Variants in KIAA1217 observed in about 807,000 individuals in gnomAD.
KIAA1217 encodes KIAA1217.
Under a neutral mutation model 163.9 loss-of-function variants are expected in KIAA1217, and 88 were observed. The ratio of observed to expected loss-of-function variants is 0.54; its 90% confidence interval spans 0.45 to 0.64. The LOEUF (loss-of-function observed/expected upper bound fraction) is 0.64, where lower values mean the gene tolerates loss of function less well. Among genes scored for constraint, KIAA1217 ranks in the 30% least tolerant of loss-of-function variants. KIAA1217 has a pLI of 0.00. For synonymous variants in KIAA1217, 903 were observed against 923.1 expected, an observed-to-expected ratio of 0.98 and a Z score of 0.39; for missense variants, 2,372 against 2,475.0, an observed-to-expected ratio of 0.96 and a Z score of 0.88.
At chr10:24,498,760 G>A (rs74854448) in intron 8 of KIAA1217, among the ~76,000 whole-genome samples, 9 of 152,218 alleles carry the variant, frequency 5.9e-5, no homozygotes, top group East Asian at 3.9e-4. Context: ...GTTGAGGCTC[G>A]GGGAATTGCA....
intron 3 of KIAA1217, among the ~76,000 whole-genome samples, chr10:24,426,971 T>C (rs1011069882): frequency 1.3e-5 from 2 of 152,148 alleles, no homozygotes; most frequent in Non-Finnish European, 2.9e-5. Flanking sequence ...CTGGAACTGA[T>C]TCTGAGACGC....
chr10:23,965,622 T>C (rs936428122), intron 1 of KIAA1217, among the ~76,000 whole-genome samples: 3 of 152,196 alleles, frequency 2.0e-5, no homozygotes, highest in Non-Finnish European at 4.4e-5. Context: ...CTCAAGGTGC[T>C]TATCTTGAGG....
Position 24,119,453 on chromosome 10 carries a change from T to TA in KIAA1217, c.-170-100165dup, listed in dbSNP as rs200182954. 7.0e-3 allele frequency among the ~76,000 whole-genome samples: 1,060 copies of TA among 151,378 alleles called. 5 individuals are homozygous for TA. Among genetic ancestry groups the TA allele is most frequent in the Non-Finnish European group, 0.01 (690 of 67,832 alleles). ...CATATTGCAAATGTGTAAAAATTTT[T>TA]AAAAAAAACAACTCTATAGCAAAAG... On this transcript the variant is annotated intron_variant, in intron 2 of 18. Transcript: ENST00000376462.
chr10:24,092,915 GTGTGTGTGTGTGT>G (rs2061991518), intron 2 of KIAA1217, among the ~76,000 whole-genome samples: 1 of 136,834 alleles, frequency 7.3e-6, no homozygotes, highest in African/African-American at 3.6e-5. Context: ...GTGTGTGTGT[GTGTGTGTGTGTGT>G]TGTGTGTGTG....
At chr10:24,474,670 G>A (rs555754852) in intron 6 of KIAA1217, among the ~76,000 whole-genome samples, 416 of 152,248 alleles carry the variant, frequency 2.7e-3, no homozygotes, top group African/African-American at 9.8e-3. Flanking sequence ...AAGACTCTCT[G>A]GGGACTTGAA....
intron 1 of KIAA1217, among the ~76,000 whole-genome samples, chr10:23,942,528 A>G (rs1484184390): frequency 6.6e-6 from 1 of 152,190 alleles, no homozygotes; most frequent in Non-Finnish European, 1.5e-5. Flanking sequence ...ACTTCAGTGG[A>G]GCAGAAAAAG....
chr10:23,917,392 C>A (rs966310487), intron 1 of KIAA1217, among the ~76,000 whole-genome samples: 1 of 152,176 alleles, frequency 6.6e-6, no homozygotes, highest in Non-Finnish European at 1.5e-5. Context: ...TTACTCCTCA[C>A]TCTGAAATTC....
At chr10:24,471,856 C>T (rs2063549071) in intron 5 of KIAA1217, among the ~76,000 whole-genome samples, 1 of 139,160 alleles carries the variant, frequency 7.2e-6, no homozygotes, top group Non-Finnish European at 1.5e-5. Context: ...CACTGCACTC[C>T]AGCCTGGGAG....
chr10:23,698,785 T>A (rs564561061), intron 1 of KIAA1217, among the ~76,000 whole-genome samples: 1 of 152,196 alleles, frequency 6.6e-6, no homozygotes, highest in Admixed American at 6.5e-5. Context: ...TCGGCTATCC[T>A]ATTTTTTTTT....
chr10:23,894,345 AACAG>A (rs1327042686), intron 1 of KIAA1217, among the ~76,000 whole-genome samples: 3 of 151,948 alleles, frequency 2.0e-5, no homozygotes, highest in Admixed American at 2.0e-4. Flanking sequence ...ACACACCAGC[AACAG>A]ACAAACAGAG....
intron 2 of KIAA1217, among the ~76,000 whole-genome samples, chr10:24,065,603 A>G (rs947770808): frequency 2.0e-5 from 3 of 152,174 alleles, no homozygotes; most frequent in Non-Finnish European, 4.4e-5. Context: ...TGGTGCTGAC[A>G]AGAATGTATA....
chr10:24,541,783 A>G (rs973175434), intron 17 of KIAA1217, among the ~76,000 whole-genome samples: 10 of 152,146 alleles, frequency 6.6e-5, no homozygotes, highest in Non-Finnish European at 1.5e-4. Context: ...ACCCTAAGAC[A>G]TGTATCTTCA....
chr10:24,192,461 T>G (rs896154051), intron 2 of KIAA1217, among the ~76,000 whole-genome samples: 4 of 152,200 alleles, frequency 2.6e-5, no homozygotes, highest in Non-Finnish European at 5.9e-5. Context: ...GGGGGTAGTA[T>G]GCTCTGGACC....
At chr10:23,897,926 A>T (rs891883513) in intron 1 of KIAA1217, among the ~76,000 whole-genome samples, 1 of 152,068 alleles carries the variant, frequency 6.6e-6, no homozygotes, top group Non-Finnish European at 1.5e-5. Context: ...AACAATTTTT[A>T]AATTTTTTTT....
Position 24,521,760 on chromosome 10 carries a change from A to G in KIAA1217, c.2309-22A>G, listed in dbSNP as rs199579863. The G allele has an allele frequency of 4.4e-6, 7 of 1,604,572 alleles. No individual in the cohort carries two copies. The East Asian group carries it at 1.3e-4, about 31-fold the overall frequency. On this transcript the variant is annotated intron_variant, in intron 11 of 20. Transcript: ENST00000376454. ...GTTCTGGCTTTTTCTCCTCCAATTC[A>G]CCTGCTGGTTTGGGCCTGCAGGAGA...
intron 1 of KIAA1217, among the ~76,000 whole-genome samples, chr10:23,810,086 C>G (rs777923754): frequency 6.6e-6 from 1 of 151,790 alleles, no homozygotes; most frequent in African/African-American, 2.4e-5. Flanking sequence ...TTAAGTTAGG[C>G]TAGGCTAAGC....
chr10:24,545,965 C>T lies in KIAA1217; in HGVS notation c.5473C>T (p.Leu1825Phe), dbSNP rs1675980293. ...CTCTTCTAGTGGTGACAGCTCTAAC[C>T]TCCCTAATCCACCTGCTACTAAACC... Reference protein sequence around the residue: ...LPSSSGDSSNLPNPPATKPSI... With the variant: ...LPSSSGDSSNFPNPPATKPSI... The change falls in exon 21 of 21, where the codon CTC becomes TTC. Residue 1825 changes from leucine to phenylalanine, a missense_variant. Physicochemically the swap from Leu to Phe is conservative, Grantham distance 22. This residue lies in a region of KIAA1217 where 690 missense variants were observed against 677.5 expected (regional missense o/e 1.02). Coordinates refer to ENST00000376454, the MANE Select transcript of KIAA1217 (RefSeq NM_019590.5). The T allele has an allele frequency of 1.2e-6, 2 of 1,614,018 alleles. No homozygotes were observed. Among genetic ancestry groups the T allele is most frequent in the South Asian group, 2.2e-5 (2 of 91,082 alleles).
At position 24,290,183 on chromosome 10, in the gene KIAA1217, G is replaced by A. The variant is rs149135104; in HGVS notation, c.354+70274G>A. Among the ~76,000 whole-genome samples, 614 of 152,224 alleles carry A rather than the reference G, an allele frequency of 4.0e-3. 8 individuals are homozygous for A. The highest frequency in any genetic ancestry group is 0.014 in the African/African-American group (578 of 41,538). The stretch of plus-strand genomic sequence containing the variant: ...TGTCCTAAGGGCCCTGAAACCCTCA[G>A]GGTGATGGCAAAAATTGGAGGGAAG... On this transcript the variant is annotated intron_variant, in intron 2 of 20. Transcript: ENST00000376454.
intron 2 of KIAA1217, among the ~76,000 whole-genome samples, chr10:24,140,124 C>A (rs528141273): frequency 6.6e-6 from 1 of 151,944 alleles, no homozygotes; most frequent in Non-Finnish European, 1.5e-5. Flanking sequence ...CTTTGGGAGG[C>A]CGAGGCGGGT....
Sources: gnomAD v4.1 joint callset for allele counts (sites outside exome capture counted in the v4.1 genomes callset) on GRCh38, gnomAD v4.1.1 for gene constraint, gnomAD v4.1.1 regional missense constraint, MANE v1.5 for transcripts, NCBI Gene and HGNC (gene_info 2026-07-23, HGNC 2026-07-21) for gene names.